CABIN1: variants seen among roughly 807,000 people sequenced by gnomAD.
CABIN1 encodes calcineurin-binding protein cabin-1.
A neutral mutation model predicts 227.7 loss-of-function variants in CABIN1; 133 were observed. The ratio of observed to expected loss-of-function variants is 0.58; its 90% CI spans 0.51 to 0.67. The LOEUF is 0.67. CABIN1 is among the 30% of genes least tolerant of loss of function. The probability of loss-of-function intolerance (pLI) is 0.00; values close to 1 mark genes in which losing one functional copy is unlikely to be tolerated. For missense variants in CABIN1, 2,408 were observed against 2,852.5 expected, an observed-to-expected ratio of 0.84 and a Z score of 3.55; for synonymous variants, 1,086 against 1,155.1, an observed-to-expected ratio of 0.94 and a Z score of 1.21.
rs1569332593 is a variant in CABIN1 at position 24,177,712 on chromosome 22, C to T, written c.6414C>T (p.Pro2138=). 2 of 1,613,306 alleles carry T rather than the reference C, an allele frequency of 1.2e-6. No homozygotes were observed. Among genetic ancestry groups the T allele is most frequent in the Non-Finnish European group, 1.7e-6 (2 of 1,179,424 alleles). ...CCAACATGCCAAAGCTGGTCATCCC[C>T]TCCGCCGCCACCAAGTTCCCCCCTG... ...PLPNMPKLVI[P]SAATKFPPEI... The change falls in exon 36 of 37, where the codon CCC becomes CCT. Residue 2138 remains proline, a synonymous_variant. Transcript: ENST00000263119. The surrounding 1 kb of genome is among the most constrained non-coding windows in gnomAD (Gnocchi z 4.4).
At chr22:24,072,272 G>A (rs1313116672) in intron 17 of CABIN1, 82 bp from the exon 18 acceptor site, 1 of 1,505,572 alleles carries the variant, frequency 6.6e-7, no homozygotes, top group Non-Finnish European at 9.2e-7. Context: ...AGCTCCCCAA[G>A]AGGCCTCCTG....
At position 24,119,744 on chromosome 22, in the gene CABIN1, C is replaced by T. The variant is rs757006989; in HGVS notation, c.4632+46C>T. On this transcript the variant is annotated intron_variant, in intron 28 of 36. Coordinates refer to ENST00000263119, the MANE Select transcript of CABIN1 (RefSeq NM_012295.4). ...GGGGGCTTGGATCTTCCCAGGGCAG[C>T]TGGGCATCTTTGAAGGTTGGTGGGC... 3.2e-6 allele frequency: 5 copies of T among 1,559,202 alleles called. No homozygotes were observed. The South Asian group carries it at 3.3e-5, about 10-fold the overall frequency.
chr22:24,101,128 T>A (rs780750557), intron 26 of CABIN1, among the ~76,000 whole-genome samples: 1 of 152,148 alleles, frequency 6.6e-6, no homozygotes, highest in Non-Finnish European at 1.5e-5. Flanking sequence ...ACAGAACAAT[T>A]AACTTTCCAG....
In CABIN1 at chr22:24,177,552, C is replaced by T; in HGVS notation, c.6254C>T (p.Ala2085Val). ...AGAAGGGATGGGGAGGCTCAGGAGG[C>T]TGCGAGTGAGACTCAGCCCCTGAGC... The part of the protein sequence containing the change: ...EPRRDGEAQE[A>V]ASETQPLSSP... The change falls in exon 36 of 37, where the codon GCT becomes GTT. Residue 2085 changes from alanine to valine, a missense_variant. Ala to Val is a moderately conservative substitution (Grantham distance 64, BLOSUM62 0). Transcript: ENST00000263119. This position sits in a 1 kb window ranked among gnomAD's most constrained non-coding sequence, Gnocchi z 4.4. 2 of 1,578,922 alleles carry T rather than the reference C, an allele frequency of 1.3e-6. No homozygotes were observed. Among genetic ancestry groups the T allele is most frequent in the Non-Finnish European group, 1.7e-6 (2 of 1,157,750 alleles).
chr22:24,012,782 A>T lies in CABIN1; in HGVS notation c.-75+1415A>T, dbSNP rs940015327. On this transcript the variant is annotated intron_variant, in intron 1 of 36. Transcript: ENST00000263119. ...AATAGCTTTTGTGTGTGTGTGTGTG[A>T]CGGAGCCTTGGTCTGTCGCCCAGGC... Among the ~76,000 whole-genome samples the T allele has an allele frequency of 6.6e-5, 10 of 152,216 alleles. No homozygotes were observed. The South Asian group carries it at 2.1e-3, about 32-fold the overall frequency.
chr22:24,065,740 G>A (rs1488166365), intron 15 of CABIN1, among the ~76,000 whole-genome samples: 3 of 152,280 alleles, frequency 2.0e-5, no homozygotes, highest in East Asian at 1.9e-4. Flanking sequence ...ACGAGACTCC[G>A]TCTGCAATCC....
intron 29 of CABIN1, among the ~76,000 whole-genome samples, chr22:24,149,270 G>A (rs2045343559): frequency 1.3e-5 from 2 of 152,232 alleles, no homozygotes; most frequent in Admixed American, 1.3e-4. Context: ...TGAGCAAGCT[G>A]GTCAGTGTTT....
chr22:24,096,028 C>T lies in CABIN1; in HGVS notation c.3884C>T (p.Ala1295Val), dbSNP rs201562005. The change falls in exon 25 of 37, where the codon GCA becomes GTA. Residue 1295 changes from alanine to valine, a missense_variant. Ala to Val is a moderately conservative substitution (Grantham distance 64, BLOSUM62 0). This residue lies in a region of CABIN1 where 649 missense variants were observed against 910.3 expected (regional missense o/e 0.71). Transcript: ENST00000263119. ...EVLVNFMKEA[A>V]EGPFARGEEK... ...CTGGTCAACTTTATGAAGGAGGCTG[C>T]AGAAGGACCCTTTGCCAGGGGCGAG... The T allele has an allele frequency of 9.9e-6, 16 of 1,614,058 alleles. No individual in the cohort carries two copies. The highest frequency in any genetic ancestry group is 1.4e-5 in the Non-Finnish European group (16 of 1,180,044).
rs2041028361 is a variant in CABIN1 at position 24,084,637 on chromosome 22, T to C, written c.2969T>C (p.Leu990Pro). ...FMFEYFKPKT[L>P]PEFDSYKTST... ...TTTGAGTATTTTAAGCCCAAGACCC[T>C]TCCTGAATTTGACAGCTATAAGACC... is the stretch of plus-strand genomic sequence containing the variant. The change falls in exon 21 of 37, where the codon CTT (leucine) becomes CCT (proline). Residue 990 changes from leucine (L) to proline (P), a missense_variant. By Grantham distance (98) the Leu-to-Pro change is moderately conservative (BLOSUM62 -3). Around this residue, in one of 3 missense-constraint regions of CABIN1, gnomAD observed 649 missense variants for 910.3 expected, o/e 0.71. Transcript: ENST00000263119. The C allele has an allele frequency of 1.1e-5, 17 of 1,614,034 alleles. No homozygotes were observed. The highest frequency in any genetic ancestry group is 1.4e-5 in the Non-Finnish European group (17 of 1,180,024).
Position 24,167,027 on chromosome 22 carries a change from T to C in CABIN1, c.5396T>C (p.Leu1799Pro). ...GPESRPTELSLEELSISARQQ... is the reference protein window; with the variant it reads ...GPESRPTELSPEELSISARQQ... ...GAGAGCCGGCCCACTGAGCTGTCCC[T>C]GGAGGAGCTGAGCATCAGTGCCCGG... The change falls in exon 32 of 37, where the codon CTG (leucine) becomes CCG (proline). Residue 1799 changes from leucine (L) to proline (P), a missense_variant. Transcript: ENST00000263119. The C allele has an allele frequency of 6.4e-7, 1 of 1,552,630 alleles. No homozygotes were observed. The highest frequency in any genetic ancestry group is 8.7e-7 in the Non-Finnish European group (1 of 1,148,852).
chr22:24,085,523 C>T (rs948699180), intron 22 of CABIN1, among the ~76,000 whole-genome samples: 1 of 152,194 alleles, frequency 6.6e-6, no homozygotes, highest in Admixed American at 6.5e-5. Context: ...TTGCTGCTTC[C>T]ACTGCAGGCT....
intron 26 of CABIN1, among the ~76,000 whole-genome samples, chr22:24,098,928 CCTCA>C (rs1318436950): frequency 6.6e-6 from 1 of 152,132 alleles, no homozygotes; most frequent in African/African-American, 2.4e-5. Context: ...ACACCTGGGC[CCTCA>C]CTCCTATGTC....
chr22:24,076,462 GA>G (rs1319054205), intron 19 of CABIN1, among the ~76,000 whole-genome samples, 178 bp downstream of exon 19: 1 of 152,140 alleles, frequency 6.6e-6, no homozygotes. Flanking sequence ...AAGCTTGTCA[GA>G]AAGTCTGATA....
intron 29 of CABIN1, 89 bp downstream of exon 29, chr22:24,134,504 TC>T: frequency 9.3e-7 from 1 of 1,069,868 alleles, no homozygotes; most frequent in Non-Finnish European, 1.4e-6. Context: ...AGGTGGGTGT[TC>T]CCAGGGCCTC....
chr22:24,165,724 G>A (rs1468738598), intron 31 of CABIN1, 98 bp downstream of exon 31: 2 of 965,332 alleles, frequency 2.1e-6, no homozygotes, highest in South Asian at 1.4e-5. Context: ...CATACCCTTA[G>A]GCAGGATGTG....
chr22:24,147,357 C>A (rs1227611612), intron 29 of CABIN1, among the ~76,000 whole-genome samples: 1 of 141,870 alleles, frequency 7.0e-6, no homozygotes, highest in African/African-American at 2.6e-5. Flanking sequence ...GCCTCCCTCC[C>A]TCCCTGCTTC....
At position 24,177,921 on chromosome 22, in the gene CABIN1, T is replaced by C; in HGVS notation, c.6519+104T>C. ...GTGGCAGGAGGGCCTGGGGTGTGGG[T>C]GAGGATGGCATAGGGGCCTGGGGCA... On this transcript the variant is annotated intron_variant, in intron 36 of 36. Transcript: ENST00000263119. The surrounding 1 kb of genome is among the most constrained non-coding windows in gnomAD (Gnocchi z 4.4). 1 of 1,360,682 alleles carries C rather than the reference T, an allele frequency of 7.3e-7. No homozygotes were observed. 84.3% of individuals were successfully genotyped at this position (1,360,682 alleles called of 1,614,324 possible).
chr22:24,119,814 G>A, intron 28 of CABIN1, 116 bp downstream of exon 28: 1 of 1,034,654 alleles, frequency 9.7e-7, no homozygotes, highest in Non-Finnish European at 1.5e-6. Flanking sequence ...CACATGGGAG[G>A]GATGGGCGAG....
chr22:24,016,065 A>T (rs1201030530), intron 1 of CABIN1, among the ~76,000 whole-genome samples: 4 of 152,250 alleles, frequency 2.6e-5, no homozygotes, highest in East Asian at 1.9e-4. Flanking sequence ...ATACACAGTT[A>T]TGCAAGCATC....
Sources: allele counts gnomAD v4.1 joint callset (sites outside exome capture counted in the v4.1 genomes callset), GRCh38; gene constraint gnomAD v4.1.1; regional missense constraint gnomAD v4.1.1; non-coding constraint Gnocchi (gnomAD v3.1); transcripts MANE v1.5; gene names NCBI Gene and HGNC (gene_info 2026-07-23, HGNC 2026-07-21).